The following CNKSR3 variants were observed in gnomAD, a reference collection of about 807,000 sequenced individuals.
The protein encoded by CNKSR3 is connector enhancer of kinase suppressor of ras 3.
In CNKSR3, 36 loss-of-function variants were observed where a neutral mutation model predicts 67.7. That is an observed-to-expected ratio of 0.53 (90% CI 0.41 to 0.70). The LOEUF is 0.70. CNKSR3 is among the 30% of genes least tolerant of loss of function. CNKSR3 has a pLI of 0.00. For missense variants in CNKSR3, 630 were observed against 695.2 expected, an observed-to-expected ratio of 0.91 and a Z score of 1.05; for synonymous variants, 281 against 271.4, an observed-to-expected ratio of 1.04 and a Z score of -0.35.
intron 5 of CNKSR3, among the ~76,000 whole-genome samples, chr6:154,431,602 A>G (rs1197577937): frequency 1.3e-5 from 2 of 152,084 alleles, no homozygotes; most frequent in Non-Finnish European, 2.9e-5. Context: ...TCATTACAGT[A>G]TCATATAGGA....
At chr6:154,450,304 T>C (rs776850670) in intron 1 of CNKSR3, 46 bp from the exon 2 acceptor site, 19 of 1,595,210 alleles carry the variant, frequency 1.2e-5, no homozygotes, top group Non-Finnish European at 1.5e-5. Flanking sequence ...TTTGTTCCTT[T>C]ACCCACCCCC....
intron 1 of CNKSR3, among the ~76,000 whole-genome samples, chr6:154,477,351 C>A (rs1786473516): frequency 6.6e-6 from 1 of 152,000 alleles, no homozygotes; most frequent in African/African-American, 2.4e-5. Context: ...AGCAGAGTGA[C>A]CCAGGCTGGA....
intron 11 of CNKSR3, 151 bp from the exon 12 acceptor site, chr6:154,410,583 T>C (rs879779290): frequency 3.3e-6 from 2 of 615,362 alleles, no homozygotes; most frequent in Non-Finnish European, 2.9e-6. Flanking sequence ...TTTAAAGCAC[T>C]GTATTTCCAT....
Position 154,405,206 on chromosome 6 carries a change from G to A in CNKSR3, c.*1148C>T, listed in dbSNP as rs1009545245. On this transcript the variant is annotated 3_prime_UTR_variant, in exon 13 of 13. Transcript: ENST00000607772. ...ATACTGCCCTGCTGGCAACAGCCACGATAGTCACTTGCTCATCTGAAAATG... is the reference window on the plus strand; with the variant it reads ...ATACTGCCCTGCTGGCAACAGCCACAATAGTCACTTGCTCATCTGAAAATG... 3 of 152,570 alleles carry A rather than the reference G, an allele frequency of 2.0e-5. No homozygotes were observed. The highest frequency in any genetic ancestry group is 4.4e-5 in the Non-Finnish European group (3 of 68,026). The allele number at this position is 152,570 out of a possible 1,614,324, so 9.5% of individuals were successfully genotyped here.
At chr6:154,436,679 A>G (rs987620810) in intron 4 of CNKSR3, among the ~76,000 whole-genome samples, 25 of 151,754 alleles carry the variant, frequency 1.6e-4, no homozygotes, top group Non-Finnish European at 3.7e-4. Context: ...CCAGACTGAA[A>G]CTCAGCACCT....
intron 2 of CNKSR3, among the ~76,000 whole-genome samples, chr6:154,445,606 G>A (rs535849913): frequency 4.5e-4 from 69 of 152,220 alleles, no homozygotes; most frequent in African/African-American, 1.3e-3. Context: ...TATACATAAC[G>A]TTTACTTATT....
At chr6:154,486,423 G>A (rs563613322) in intron 1 of CNKSR3, among the ~76,000 whole-genome samples, 70 of 149,712 alleles carry the variant, frequency 4.7e-4, no homozygotes, top group African/African-American at 1.5e-3. Flanking sequence ...CGGCCTCCTG[G>A]GTAGCTGGGA....
At chr6:154,495,489 C>T (rs915845932) in intron 1 of CNKSR3, among the ~76,000 whole-genome samples, 40 of 151,900 alleles carry the variant, frequency 2.6e-4, no homozygotes, top group African/African-American at 9.7e-4. Flanking sequence ...CTGCCTCAAC[C>T]TCTCAAGTAA....
At chr6:154,412,442 A>T (rs1460892310) in intron 10 of CNKSR3, among the ~76,000 whole-genome samples, 6 of 152,066 alleles carry the variant, frequency 3.9e-5, no homozygotes, top group Non-Finnish European at 8.8e-5. Context: ...TTTTCTTGCC[A>T]CTACTCCAGG....
At chr6:154,420,225 TAA>T (rs35213451) in intron 9 of CNKSR3, among the ~76,000 whole-genome samples, 74,391 of 145,066 alleles carry the variant, frequency 0.51, 18,989 homozygotes, top group East Asian at 0.61. Flanking sequence ...ATGTGGAATC[TAA>T]AAAAAAAAAA....
At position 154,505,765 on chromosome 6, in the gene CNKSR3, G is replaced by A. The variant is rs547651903; in HGVS notation, c.52+4298C>T. 6.0e-5 allele frequency among the ~76,000 whole-genome samples: 9 copies of A among 148,814 alleles called. No homozygotes were observed. The South Asian group carries it at 1.9e-3, about 31-fold the overall frequency. On this transcript the variant is annotated intron_variant, in intron 1 of 12. Transcript: ENST00000607772. ...TCCGCCCACCTCGGCCTCCCAAAGT[G>A]CTGGGATTACAGGCGTGAGCCACCG...
chr6:154,401,745 A>G lies in CNKSR3; in HGVS notation c.*4609T>C, dbSNP rs1384420076. The G allele has an allele frequency of 6.6e-6, 1 of 152,226 alleles. No individual in the cohort carries two copies. Among genetic ancestry groups the G allele is most frequent in the African/African-American group, 2.4e-5 (1 of 41,450 alleles). 9.4% of individuals were successfully genotyped at this position (152,226 alleles called of 1,614,324 possible). A position where few individuals can be genotyped will look rare whatever the true frequency, so the allele number is the denominator to read the frequency against. Reference sequence around the variant, plus strand: ...ATGTGAACTAATGGTCTACAAAACTAATCTCATCTACAATAGAAGAAAACA... The same window carrying G: ...ATGTGAACTAATGGTCTACAAAACTGATCTCATCTACAATAGAAGAAAACA... On this transcript the variant is annotated 3_prime_UTR_variant, in exon 13 of 13. Transcript: ENST00000607772.
In CNKSR3 at chr6:154,392,423, A is replaced by C. The variant is rs959878535; in HGVS notation, c.*13931T>G. ...GTTCTACAAAGGCAGATGGCCAAACAGCACACATAACAGGCACCCTAGAGA... is the reference window on the plus strand; with the variant it reads ...GTTCTACAAAGGCAGATGGCCAAACCGCACACATAACAGGCACCCTAGAGA... On this transcript the variant is annotated 3_prime_UTR_variant, in exon 13 of 13. Coordinates refer to ENST00000607772, the MANE Select transcript of CNKSR3 (RefSeq NM_173515.4). 6.6e-6 allele frequency: 1 copy of C among 152,228 alleles called. No individual in the cohort carries two copies. Among genetic ancestry groups the C allele is most frequent in the African/African-American group, 2.4e-5 (1 of 41,462 alleles). The allele number at this position is 152,228 out of a possible 1,614,324, so 9.4% of individuals were successfully genotyped here.
intron 1 of CNKSR3, among the ~76,000 whole-genome samples, chr6:154,461,475 A>G (rs1019788297): frequency 1.3e-5 from 2 of 152,238 alleles, no homozygotes; most frequent in Non-Finnish European, 2.9e-5. Flanking sequence ...CACCAACTAT[A>G]CAGGCCAGGA....
intron 1 of CNKSR3, chr6:154,478,540 C>T (rs1186783726): frequency 6.6e-6 from 1 of 152,310 alleles, no homozygotes; most frequent in African/African-American, 2.4e-5. Context: ...GGAGCTGTGA[C>T]ACTCATCTCC....
chr6:154,427,789 A>T (rs1320636053), intron 7 of CNKSR3, among the ~76,000 whole-genome samples: 1 of 152,220 alleles, frequency 6.6e-6, no homozygotes, highest in Admixed American at 6.5e-5. Context: ...CATGGCCACC[A>T]ATCCCAGTTC....
At chr6:154,442,367 A>C in intron 2 of CNKSR3, 77 bp from the exon 3 acceptor site, 1 of 1,249,182 alleles carries the variant, frequency 8.0e-7, no homozygotes, top group South Asian at 1.3e-5. Context: ...TCACGCCTGT[A>C]ATCCTAGCAC....
chr6:154,460,502 C>T lies in CNKSR3; in HGVS notation c.53-10244G>A, dbSNP rs192728069. On this transcript the variant is annotated intron_variant, in intron 1 of 12. Transcript: ENST00000607772. ...ACTGTGGGGATGAACACAAAACCTACGCAATACTCTGGTAAACATGTACTT... is the reference window on the plus strand; with the variant it reads ...ACTGTGGGGATGAACACAAAACCTATGCAATACTCTGGTAAACATGTACTT... 5.3e-5 allele frequency among the ~76,000 whole-genome samples: 8 copies of T among 152,282 alleles called. No individual in the cohort carries two copies. The East Asian group carries it at 9.6e-4, about 18-fold the overall frequency.
At chr6:154,415,021 C>T (rs1371253880) in intron 9 of CNKSR3, among the ~76,000 whole-genome samples, 2 of 147,648 alleles carry the variant, frequency 1.4e-5, no homozygotes, top group African/African-American at 5.1e-5. Flanking sequence ...TTGCTTGAGC[C>T]CAGGAGGCAG....
Sources: allele counts gnomAD v4.1 joint callset (sites outside exome capture counted in the v4.1 genomes callset), GRCh38; gene constraint gnomAD v4.1.1; transcripts MANE v1.5; gene names NCBI Gene and HGNC (gene_info 2026-07-23, HGNC 2026-07-21).